C1orf50: variants seen among roughly 807,000 people sequenced by gnomAD.
C1orf50 encodes the protein uncharacterized protein C1orf50.
Under a neutral mutation model 23.3 loss-of-function variants are expected in C1orf50, and 22 were observed. The observed-to-expected ratio is 0.94, with a 90% CI of 0.67 to 1.35. The LOEUF is 1.35. Among genes scored for constraint, C1orf50 ranks in the 40% most tolerant of loss-of-function variants. The pLI, the probability that C1orf50 is intolerant of heterozygous loss-of-function variation, is 0.00. For missense variants in C1orf50, 271 were observed against 249.4 expected, an observed-to-expected ratio of 1.09 and a Z score of -0.58; for synonymous variants, 96 against 102.4, an observed-to-expected ratio of 0.94 and a Z score of 0.38.
chr1:42,773,773 A>T, intron 3 of C1orf50, 124 bp downstream of exon 3: 1 of 602,098 alleles, frequency 1.7e-6, no homozygotes. Context: ...AGAGGTGTTG[A>T]GTAAAATAGA....
Position 42,776,144 on chromosome 1 carries a change from A to C in C1orf50, c.*750A>C, listed in dbSNP as rs1570496438. On this transcript the variant is annotated 3_prime_UTR_variant, in exon 5 of 5. Coordinates refer to ENST00000372525, the MANE Select transcript of C1orf50 (RefSeq NM_024097.4). ...TATAGAGTCCACTGTGTAGTCTCCC[A>C]AGTTGGAAATCCCAGGCTCAGCCAC... is the stretch of plus-strand genomic sequence containing the variant. 6.6e-6 allele frequency: 1 copy of C among 151,766 alleles called. No individual in the cohort carries two copies. Among genetic ancestry groups the C allele is most frequent in the South Asian group, 2.1e-4 (1 of 4,806 alleles). 9.4% of individuals were successfully genotyped at this position (151,766 alleles called of 1,614,324 possible).
At chr1:42,767,799 T>C (rs966198228) in intron 2 of C1orf50, among the ~76,000 whole-genome samples, 175 bp downstream of exon 2, 1 of 152,180 alleles carries the variant, frequency 6.6e-6, no homozygotes, top group African/African-American at 2.4e-5. Context: ...TCGAATGACC[T>C]TCTGGGACCA....
At chr1:42,774,951 G>T (rs1224952911) in intron 4 of C1orf50, 83 bp downstream of exon 4, 2 of 1,503,982 alleles carry the variant, frequency 1.3e-6, no homozygotes, top group Non-Finnish European at 9.1e-7. Flanking sequence ...TAGACATGTG[G>T]ATTGGTATAT....
At chr1:42,769,804 C>G (rs1281634696) in intron 2 of C1orf50, 1 of 152,082 alleles carries the variant, frequency 6.6e-6, no homozygotes. Flanking sequence ...GATTGTGCCA[C>G]TTCACTCCAG....
chr1:42,773,563 G>C lies in C1orf50; in HGVS notation c.196G>C (p.Ala66Pro). The change falls in exon 3 of 5, where the codon GCT becomes CCT. Residue 66 changes from alanine (A) to proline (P), a missense_variant and splice_region_variant. Transcript: ENST00000372525. ...CAGTTTAGTTTTTTCTCACCTGTAG[G>C]CTGATGAATTCATCCGAGCAAATGC... ...LVALAEQVQKADEFIRANATN... is the reference protein window; with the variant it reads ...LVALAEQVQKPDEFIRANATN... 3 of 1,603,128 alleles carry C rather than the reference G, an allele frequency of 1.9e-6. No individual in the cohort carries two copies. Among genetic ancestry groups the C allele is most frequent in the Non-Finnish European group, 2.6e-6 (3 of 1,170,612 alleles).
Position 42,770,585 on chromosome 1 carries a change from G to A in C1orf50, c.195+2961G>A, listed in dbSNP as rs565766633. Among the ~76,000 whole-genome samples, 8 of 152,098 alleles carry A rather than the reference G, an allele frequency of 5.3e-5. No individual in the cohort carries two copies. The East Asian group carries it at 5.8e-4, about 11-fold the overall frequency. ...GTAGCTGGGATTATAGACATGTGCCGCCATGCCTGGCTAATTTTGTATTTT... is the reference window on the plus strand; with the variant it reads ...GTAGCTGGGATTATAGACATGTGCCACCATGCCTGGCTAATTTTGTATTTT... On this transcript the variant is annotated intron_variant, in intron 2 of 4. Coordinates refer to ENST00000372525, the MANE Select transcript of C1orf50 (RefSeq NM_024097.4).
In C1orf50 at chr1:42,775,402, CT is replaced by C. The variant is rs1467690579; in HGVS notation, c.*11del. 6.4e-7 allele frequency: 1 copy of C among 1,573,420 alleles called. No individual in the cohort carries two copies. Among genetic ancestry groups the C allele is most frequent in the African/African-American group, 1.3e-5 (1 of 74,352 alleles). On this transcript the variant is annotated 3_prime_UTR_variant, in exon 5 of 5. Transcript: ENST00000372525. ...CAGGGACTGACTCACTGAGAGTGGG[CT>C]TTGACAAACAGCTCTCACAGGACCT...
Position 42,767,529 on chromosome 1 carries a change from C to G in C1orf50, c.100C>G (p.Pro34Ala). Residue 34 changes from proline to alanine, a missense_variant, in exon 2 of 5, where the codon CCG becomes GCG. Coordinates refer to ENST00000372525, the MANE Select transcript of C1orf50 (RefSeq NM_024097.4). ...GQGGALVELTPTPGGLALVSP... is the reference protein window; with the variant it reads ...GQGGALVELTATPGGLALVSP... ...CGCAGGAGCCCTGGTGGAGCTCACCCCGACCCCCGGCGGCCTGGCCCTGGT... is the reference window on the plus strand; with the variant it reads ...CGCAGGAGCCCTGGTGGAGCTCACCGCGACCCCCGGCGGCCTGGCCCTGGT... The G allele has an allele frequency of 6.3e-7, 1 of 1,588,292 alleles. No individual in the cohort carries two copies. Among genetic ancestry groups the G allele is most frequent in the Non-Finnish European group, 8.6e-7 (1 of 1,167,954 alleles).
intron 2 of C1orf50, among the ~76,000 whole-genome samples, chr1:42,768,523 CTCT>C (rs905931546): frequency 6.6e-5 from 10 of 151,548 alleles, no homozygotes; most frequent in African/African-American, 2.2e-4. Flanking sequence ...TCCCTCACAT[CTCT>C]TTTTTTTTCA....
Position 42,767,368 on chromosome 1 carries a change from G to A in C1orf50, c.57G>A (p.Ala19=). The change falls in exon 1 of 5, where the codon GCG becomes GCA. Residue 19 remains alanine, a synonymous_variant. Coordinates refer to ENST00000372525, the MANE Select transcript of C1orf50 (RefSeq NM_024097.4). ...RTEGVLERQG[A]PPAAGQGGAL... Reference sequence around the variant, plus strand: ...AGGGGGTCCTTGAAAGGCAAGGAGCGCCGCCAGCTGCAGGCCAGGGAGGTA... The same window carrying A: ...AGGGGGTCCTTGAAAGGCAAGGAGCACCGCCAGCTGCAGGCCAGGGAGGTA... The A allele has an allele frequency of 6.5e-7, 1 of 1,538,228 alleles. No individual in the cohort carries two copies. The highest frequency in any genetic ancestry group is 8.7e-7 in the Non-Finnish European group (1 of 1,146,620).
intron 3 of C1orf50, 119 bp from the exon 4 acceptor site, chr1:42,774,618 G>T: frequency 9.1e-7 from 1 of 1,102,088 alleles, no homozygotes; most frequent in Non-Finnish European, 1.3e-6. Context: ...GTGATTCATT[G>T]CTATGGGGGA....
At chr1:42,770,444 T>C (rs1653192195) in intron 2 of C1orf50, among the ~76,000 whole-genome samples, 1 of 151,762 alleles carries the variant, frequency 6.6e-6, no homozygotes, top group African/African-American at 2.4e-5. Context: ...TCTTTTTTTT[T>C]TTTTTGAGAT....
At chr1:42,771,748 C>T (rs1270745243) in intron 2 of C1orf50, among the ~76,000 whole-genome samples, 1 of 152,102 alleles carries the variant, frequency 6.6e-6, no homozygotes, top group Non-Finnish European at 1.5e-5. Context: ...GAGGCTGAGG[C>T]AGGCGTATCA....
At chr1:42,773,465 C>A in intron 2 of C1orf50, 98 bp from the exon 3 acceptor site, 1 of 740,190 alleles carries the variant, frequency 1.4e-6, no homozygotes, top group Non-Finnish European at 2.2e-6. Flanking sequence ...ATATTTTAGG[C>A]AGAAGCAAAA....
Position 42,767,602 on chromosome 1 carries a change from C to T in C1orf50, c.173C>T (p.Ala58Val), listed in dbSNP as rs1570489663. 1 of 1,611,816 alleles carries T rather than the reference C, an allele frequency of 6.2e-7. No homozygotes were observed. The highest frequency in any genetic ancestry group is 2.2e-5 in the East Asian group (1 of 44,852). The part of the protein sequence containing the change: ...HRAGDPLDLV[A>V]LAEQVQKADE... The stretch of plus-strand genomic sequence containing the variant: ...GCCGGGGACCCCTTAGACCTCGTGG[C>T]GCTCGCAGAGCAGGTGCAGAAGGTG... The change falls in exon 2 of 5, where the codon GCG (alanine) becomes GTG (valine). Residue 58 changes from alanine (A) to valine (V), a missense_variant. Transcript: ENST00000372525.
Position 42,774,834 on chromosome 1 carries a change from G to A in C1orf50, c.380G>A (p.Ser127Asn), listed in dbSNP as rs751971097. The A allele has an allele frequency of 1.2e-6, 2 of 1,613,154 alleles. No homozygotes were observed. The highest frequency in any genetic ancestry group is 1.7e-6 in the Non-Finnish European group (2 of 1,179,762). ...GNIYYLYKRESGQQYFSIISP... is the reference protein window; with the variant it reads ...GNIYYLYKRENGQQYFSIISP... ...ATTTACTATCTCTATAAACGGGAGA[G>A]TGGTCAGCAGTATTTTTCCATCATT... The change falls in exon 4 of 5, where the codon AGT becomes AAT. Residue 127 changes from serine to asparagine, a missense_variant. Physicochemically the swap from Ser to Asn is conservative, Grantham distance 46 (BLOSUM62 1). Transcript: ENST00000372525.
chr1:42,767,378 G>A lies in C1orf50; in HGVS notation c.67G>A (p.Ala23Thr). Residue 23 changes from alanine to threonine, a missense_variant, in exon 1 of 5, where the codon GCA (alanine) becomes ACA (threonine). Coordinates refer to ENST00000372525, the MANE Select transcript of C1orf50 (RefSeq NM_024097.4). The part of the protein sequence containing the change: ...VLERQGAPPA[A>T]GQGGALVELT... ...TGAAAGGCAAGGAGCGCCGCCAGCT[G>A]CAGGCCAGGGAGGTATGCGGGGCGG... 1 of 1,539,366 alleles carries A rather than the reference G, an allele frequency of 6.5e-7. No individual in the cohort carries two copies. The highest frequency in any genetic ancestry group is 1.4e-5 in the African/African-American group (1 of 72,328).
At chr1:42,770,663 CTCAGGTGA>C (rs1653196866) in intron 2 of C1orf50, among the ~76,000 whole-genome samples, 1 of 152,180 alleles carries the variant, frequency 6.6e-6, no homozygotes, top group Non-Finnish European at 1.5e-5. Flanking sequence ...AACGCCCGAC[CTCAGGTGA>C]TCCATCCGCT....
intron 2 of C1orf50, among the ~76,000 whole-genome samples, chr1:42,772,684 CATT>C (rs1377187831): frequency 2.0e-5 from 3 of 151,910 alleles, no homozygotes; most frequent in Non-Finnish European, 4.4e-5. Flanking sequence ...AGGAGGCTGA[CATT>C]AGAGAATTAC....
Sources: gnomAD v4.1 joint callset for allele counts (sites outside exome capture counted in the v4.1 genomes callset) on GRCh38, gnomAD v4.1.1 for gene constraint, MANE v1.5 for transcripts, NCBI Gene and HGNC (gene_info 2026-07-23, HGNC 2026-07-21) for gene names.